The following SGK1 variants were observed in gnomAD, a reference collection of about 807,000 sequenced individuals.
SGK1 encodes the protein serum/glucocorticoid regulated kinase 1.
In SGK1, 26 loss-of-function variants were observed where a neutral mutation model predicts 64.2. That is an observed-to-expected ratio of 0.40 (90% CI 0.30 to 0.56). The LOEUF is 0.56. SGK1 is among the 20% of genes least tolerant of loss of function. SGK1 has a pLI of 0.38. For missense variants in SGK1, 519 were observed against 645.6 expected (o/e 0.80, Z 2.12); for synonymous variants, 265 against 239.7 (o/e 1.11, Z -0.98).
intron 3 of SGK1, among the ~76,000 whole-genome samples, chr6:134,193,856 A>AGG (rs1186749241): frequency 7.9e-6 from 1 of 126,064 alleles, no homozygotes; most frequent in Non-Finnish European, 1.6e-5. Context: ...AGGGGAGGGG[A>AGG]AAAATTAATA....
chr6:134,270,817 G>A lies in SGK1; in HGVS notation c.70-8669C>T, dbSNP rs188899840. Among the ~76,000 whole-genome samples the A allele has an allele frequency of 7.4e-5, 11 of 148,130 alleles. 1 individual carries two copies. The highest frequency in any genetic ancestry group is 2.2e-4 in the South Asian group (1 of 4,536). ...TCACAGCAGGCAGCACCCCAGCTCC[G>A]TCTCTTCAGAGGACAGTGCTTGCCT... On this transcript the variant is annotated intron_variant, in intron 1 of 13. Coordinates refer to ENST00000367858, the MANE Select transcript of SGK1 (RefSeq NM_001143676.3).
chr6:134,273,482 A>C (rs1036816106), intron 1 of SGK1, among the ~76,000 whole-genome samples: 7 of 147,376 alleles, frequency 4.7e-5, no homozygotes, highest in Non-Finnish European at 9.0e-5. Context: ...AGTCCCAGCT[A>C]CTTGGGAGGC....
chr6:134,221,164 C>T (rs761408742), intron 2 of SGK1, among the ~76,000 whole-genome samples: 30 of 151,666 alleles, frequency 2.0e-4, no homozygotes, highest in Non-Finnish European at 4.3e-4. Context: ...ATTAGCTGGG[C>T]GTGGTAGTGG....
chr6:134,296,122 C>A (rs1328321825), intron 1 of SGK1, among the ~76,000 whole-genome samples: 1 of 152,156 alleles, frequency 6.6e-6, no homozygotes, highest in Non-Finnish European at 1.5e-5. Context: ...CGTGAGTCTT[C>A]TTATCTGTGT....
chr6:134,193,944 A>G (rs1339876050), intron 3 of SGK1, among the ~76,000 whole-genome samples: 1 of 151,850 alleles, frequency 6.6e-6, no homozygotes, highest in East Asian at 1.9e-4. Context: ...AGCTCAGGGA[A>G]CAAGGTGACA....
At chr6:134,287,841 T>G (rs929768072) in intron 1 of SGK1, among the ~76,000 whole-genome samples, 2 of 152,206 alleles carry the variant, frequency 1.3e-5, no homozygotes, top group Non-Finnish European at 2.9e-5. Flanking sequence ...TATTTTGTTT[T>G]GTTGTTAAAG....
At chr6:134,260,967 A>G (rs2114747187) in intron 2 of SGK1, 1 of 152,338 alleles carries the variant, frequency 6.6e-6, no homozygotes, top group Non-Finnish European at 1.5e-5. Context: ...GATGGTAAAA[A>G]TAATATAAGC....
chr6:134,299,340 C>T (rs905791554), intron 1 of SGK1, among the ~76,000 whole-genome samples: 5 of 152,104 alleles, frequency 3.3e-5, no homozygotes, highest in Admixed American at 2.6e-4. Context: ...CTTCTAGTCT[C>T]GGCAGCAGAG....
chr6:134,283,907 G>T (rs1483676017), intron 1 of SGK1, among the ~76,000 whole-genome samples: 2 of 48,022 alleles, frequency 4.2e-5, no homozygotes, highest in African/African-American at 7.0e-5. Context: ...AAAAAAAAAA[G>T]CCTGACCAAT....
At chr6:134,312,775 AT>A (rs111846448) in intron 1 of SGK1, among the ~76,000 whole-genome samples, 19,789 of 149,368 alleles carry the variant, frequency 0.13, 1,544 homozygotes, top group African/African-American at 0.22. Context: ...ATATATGATA[AT>A]TTTTTTTTTT....
intron 1 of SGK1, among the ~76,000 whole-genome samples, chr6:134,282,491 A>G (rs531327623): frequency 2.6e-5 from 4 of 152,010 alleles, no homozygotes; most frequent in East Asian, 3.9e-4. Flanking sequence ...CTCTCTGCTA[A>G]AAATACAAAA....
At chr6:134,304,438 G>A (rs916179079) in intron 1 of SGK1, among the ~76,000 whole-genome samples, 9 of 152,142 alleles carry the variant, frequency 5.9e-5, no homozygotes, top group African/African-American at 2.2e-4. Context: ...GATCACTCGA[G>A]GTCAGGAGTT....
intron 2 of SGK1, among the ~76,000 whole-genome samples, chr6:134,235,127 G>C (rs1273999132): frequency 6.6e-6 from 1 of 152,204 alleles, no homozygotes; most frequent in Non-Finnish European, 1.5e-5. Flanking sequence ...AACAGGCTTG[G>C]TGTGTAGCAT....
At chr6:134,247,162 A>AC (rs1776537357) in intron 2 of SGK1, among the ~76,000 whole-genome samples, 1 of 151,292 alleles carries the variant, frequency 6.6e-6, no homozygotes, top group African/African-American at 2.4e-5. Context: ...CCACCATTCC[A>AC]CCCCCAATAA....
intron 1 of SGK1, among the ~76,000 whole-genome samples, chr6:134,309,901 A>C (rs952619197): frequency 6.6e-6 from 1 of 152,216 alleles, no homozygotes; most frequent in African/African-American, 2.4e-5. Flanking sequence ...AGTATGTAAA[A>C]AAAAATCACA....
intron 2 of SGK1, among the ~76,000 whole-genome samples, chr6:134,248,007 G>A (rs1021683912): frequency 2.6e-5 from 4 of 151,818 alleles, no homozygotes; most frequent in South Asian, 2.1e-4. Flanking sequence ...TTGATAAACG[G>A]CCAAGTTCTC....
chr6:134,207,087 A>G lies in SGK1; in HGVS notation c.361+269T>C, dbSNP rs142403382. On this transcript the variant is annotated intron_variant, in intron 3 of 13. Transcript: ENST00000367858. ...AAAAATACAAAAAAATTAGCTGGGC[A>G]TGGTGGCGGGCGCCTACAGTCCCAG... is the stretch of plus-strand genomic sequence containing the variant. Among the ~76,000 whole-genome samples, 1,399 of 151,950 alleles carry G rather than the reference A, an allele frequency of 9.2e-3. 19 individuals are homozygous for G. Among genetic ancestry groups the G allele is most frequent in the Non-Finnish European group, 0.013 (882 of 67,950 alleles).
intron 2 of SGK1, among the ~76,000 whole-genome samples, chr6:134,222,622 C>T (rs1776108222): frequency 6.6e-6 from 1 of 152,182 alleles, no homozygotes; most frequent in Non-Finnish European, 1.5e-5. Flanking sequence ...AGGCGTGAGC[C>T]ACCACACCTG....
chr6:134,251,887 T>G (rs1285539143), intron 2 of SGK1, among the ~76,000 whole-genome samples: 1 of 152,148 alleles, frequency 6.6e-6, no homozygotes, highest in Admixed American at 6.6e-5. Context: ...CCCGAGTAGC[T>G]GGGACTACAG....
Sources: gnomAD v4.1 joint callset for allele counts (sites outside exome capture counted in the v4.1 genomes callset) on GRCh38, gnomAD v4.1.1 for gene constraint, MANE v1.5 for transcripts, NCBI Gene and HGNC (gene_info 2026-07-23, HGNC 2026-07-21) for gene names.